The following PINLYP variants were observed in gnomAD, a reference collection of about 807,000 sequenced individuals.
PINLYP encodes the protein phospholipase A2 inhibitor and LY6/PLAUR domain containing, also known as phospholipase A2 inhibitor and Ly6/PLAUR domain-containing protein.
PINLYP carries 12 observed loss-of-function variants against 15.8 expected under a neutral mutation model. The observed-to-expected ratio is 0.76, with a 90% CI of 0.49 to 1.23. The LOEUF (loss-of-function observed/expected upper bound fraction) is 1.23, where lower values mean the gene tolerates loss of function less well. Among genes scored for constraint, PINLYP ranks in the 50% most tolerant of loss-of-function variants. The probability of loss-of-function intolerance (pLI) is 0.00; values close to 1 mark genes in which losing one functional copy is unlikely to be tolerated. For synonymous variants in PINLYP, 93 were observed against 97.7 expected (o/e 0.95, Z 0.28); for missense variants, 278 against 264.2 (o/e 1.05, Z -0.36).
chr19:43,578,762 AAG>A, intron 3 of PINLYP, 56 bp downstream of exon 3: 1 of 1,314,974 alleles, frequency 7.6e-7, no homozygotes, highest in Non-Finnish European at 1.1e-6. Context: ...TTCAGGGTGG[AAG>A]AGACTACCAT....
rs1236227976 is a variant in PINLYP at position 43,576,913 on chromosome 19, T to TG, written c.-81dup. The TG allele has an allele frequency of 2.8e-6, 1 of 358,810 alleles. No individual in the cohort carries two copies. The highest frequency in any genetic ancestry group is 2.6e-5 in the African/African-American group (1 of 38,206). 22.2% of individuals were successfully genotyped at this position (358,810 alleles called of 1,614,324 possible). A position where few individuals can be genotyped will look rare whatever the true frequency, so the allele number is the denominator to read the frequency against. On this transcript the variant is annotated 5_prime_UTR_variant, in exon 1 of 6. The change abolishes the stop of an existing upstream ORF in the 5' untranslated region. Coordinates refer to ENST00000599207, the Ensembl canonical transcript of PINLYP. Reference sequence around the variant, plus strand: ...CAAACAAACAAACAACAATGGGCCGTGGGAAGGTGAGAAAACAGGGTGGTG... The same window carrying TG: ...CAAACAAACAAACAACAATGGGCCGTGGGGAAGGTGAGAAAACAGGGTGGTG...
At position 43,578,652 on chromosome 19, in the gene PINLYP, AC is replaced by A. The variant is rs1352183538; in HGVS notation, c.135del (p.Cys46AlafsTer51). On this transcript the variant is annotated frameshift_variant, in exon 3 of 6. Transcript: ENST00000599207. LOFTEE classifies it high-confidence loss of function. ...GAGCAGGTGCCATGGCCAAATGAAG[AC>A]CTGCAGCAGTGACAAGGACACATGT... is the stretch of plus-strand genomic sequence containing the variant. 6.5e-7 allele frequency: 1 copy of A among 1,535,964 alleles called. No homozygotes were observed. The highest frequency in any genetic ancestry group is 8.7e-7 in the Non-Finnish European group (1 of 1,146,828).
chr19:43,581,074 A>G lies in PINLYP; in HGVS notation c.188-138A>G. ...CAACTCCGTCTAAAAAAAATAAGAAAAGAAAGAAAAAAAAGAAAGAGACCA... is the reference window on the plus strand; with the variant it reads ...CAACTCCGTCTAAAAAAAATAAGAAGAGAAAGAAAAAAAAGAAAGAGACCA... On this transcript the variant is annotated intron_variant, in intron 3 of 5. Coordinates refer to ENST00000599207, the Ensembl canonical transcript of PINLYP. 31 of 1,061,832 alleles carry G rather than the reference A, an allele frequency of 2.9e-5. No individual in the cohort carries two copies. In the South Asian group the frequency reaches 5.6e-4, roughly 19 times the overall value. The allele number at this position is 1,061,832 out of a possible 1,614,324, so 65.8% of individuals were successfully genotyped here. A position where few individuals can be genotyped will look rare whatever the true frequency, so the allele number is the denominator to read the frequency against.
At chr19:43,580,850 C>T (rs944410256) in intron 3 of PINLYP, among the ~76,000 whole-genome samples, 45 of 152,146 alleles carry the variant, frequency 3.0e-4, no homozygotes, top group African/African-American at 1.1e-3. Context: ...GCCTGTAATC[C>T]CAGCACTTTG....
chr19:43,575,560 A>C, upstream of PINLYP: 1 of 1,313,222 alleles, frequency 7.6e-7, no homozygotes, highest in Non-Finnish European at 1.0e-6. Context: ...GCGCTGGCTA[A>C]AGTGCGCAAG....
At chr19:43,577,230 C>A in exon 2 of PINLYP, 1 of 1,536,074 alleles carries the variant, frequency 6.5e-7, no homozygotes, top group Non-Finnish European at 8.7e-7. Flanking sequence ...TTCTGCTGGC[C>A]TTTGTGTTGC....
chr19:43,576,980 C>G, intron 1 of PINLYP, 61 bp downstream of exon 1: 1 of 814,296 alleles, frequency 1.2e-6, no homozygotes, highest in South Asian at 1.9e-5. Context: ...GAAGCCCAGA[C>G]TCCTGGGGTC....
upstream of PINLYP, chr19:43,575,717 A>G (rs1972853833): frequency 2.6e-6 from 1 of 385,628 alleles, no homozygotes; most frequent in Non-Finnish European, 4.7e-6. Flanking sequence ...TCCGCCACAC[A>G]CAACCCCGCT....
exon 1 of PINLYP, chr19:43,576,701 G>C (rs1272273790): frequency 6.1e-6 from 1 of 163,904 alleles, no homozygotes; most frequent in Non-Finnish European, 1.3e-5. Context: ...CACATGAAGA[G>C]AGGGGAAGGG....
exon 6 of PINLYP, chr19:43,581,945 C>G (rs1461937351): frequency 6.5e-7 from 1 of 1,536,384 alleles, no homozygotes; most frequent in Non-Finnish European, 8.7e-7. Context: ...TGCTGAAGTA[C>G]CCACAGGCAC....
rs1158509467 is a variant in PINLYP, at chr19:43,578,799, TCAAGA to T, written c.187+95_187+99del. 4.6e-5 allele frequency: 42 copies of T among 921,950 alleles called. No individual in the cohort carries two copies. In the Middle Eastern group the frequency reaches 1.3e-3, roughly 28 times the overall value. The allele number at this position is 921,950 out of a possible 1,614,324, so 57.1% of individuals were successfully genotyped here. A position where few individuals can be genotyped will look rare whatever the true frequency, so the allele number is the denominator to read the frequency against. On this transcript the variant is annotated intron_variant, in intron 3 of 5. Coordinates refer to ENST00000599207, the Ensembl canonical transcript of PINLYP. The stretch of plus-strand genomic sequence containing the variant: ...TGCTGAGGGGGGATCATCATGGTTC[TCAAGA>T]CGGGAGCGTGGGAAGAAATCAGTGG...
chr19:43,577,018 G>A, intron 1 of PINLYP, 97 bp from the exon 2 acceptor site: 2 of 1,237,202 alleles, frequency 1.6e-6, no homozygotes, highest in Non-Finnish European at 1.1e-6. Flanking sequence ...CTGGGCACAA[G>A]ATGCCCAGGT....
exon 3 of PINLYP, chr19:43,578,672 C>T: frequency 6.5e-7 from 1 of 1,535,972 alleles, no homozygotes; most frequent in Non-Finnish European, 8.7e-7. Flanking sequence ...GTGACAAGGA[C>T]ACATGTGTGC....
rs998828598 is a variant in PINLYP at position 43,577,334 on chromosome 19, A to T, written c.70+73A>T. 4.9e-6 allele frequency: 7 copies of T among 1,429,862 alleles called. No homozygotes were observed. In the African/African-American group the frequency reaches 7.2e-5, roughly 15 times the overall value. The allele number at this position is 1,429,862 out of a possible 1,614,324, so 88.6% of individuals were successfully genotyped here. Reference sequence around the variant, plus strand: ...AGGTCCCAGATTGAGAGAGAGAGAGATATAGAGAGAGAAAGAGCCTTCAGC... The same window carrying T: ...AGGTCCCAGATTGAGAGAGAGAGAGTTATAGAGAGAGAAAGAGCCTTCAGC... On this transcript the variant is annotated intron_variant, in intron 2 of 5. Transcript: ENST00000599207.
exon 1 of PINLYP, among the ~76,000 whole-genome samples, chr19:43,576,237 G>T (rs1278330251): frequency 6.6e-6 from 1 of 152,136 alleles, no homozygotes; most frequent in Non-Finnish European, 1.5e-5. Context: ...AAATCTGAGT[G>T]AATTTTCGTA....
intron 3 of PINLYP, among the ~76,000 whole-genome samples, chr19:43,579,407 G>A (rs1032032991): frequency 4.6e-5 from 7 of 151,646 alleles, no homozygotes; most frequent in Non-Finnish European, 8.8e-5. Flanking sequence ...CACCACACCT[G>A]GCTAATTTTT....
intron 1 of PINLYP, 36 bp from the exon 2 acceptor site, chr19:43,577,079 G>T: frequency 6.5e-7 from 1 of 1,529,756 alleles, no homozygotes; most frequent in East Asian, 2.4e-5. Context: ...ACAGAGGACT[G>T]CCCTGGGTTC....
rs1281067166 is a variant in PINLYP, at chr19:43,578,858, G to A, written c.187+152G>A. ...GCAGGAAAGAGGGAAAGACCATCAT[G>A]AGATGGAGGGAACAGAAATAAGTGG... On this transcript the variant is annotated intron_variant, in intron 3 of 5. Transcript: ENST00000599207. 5 of 616,250 alleles carry A rather than the reference G, an allele frequency of 8.1e-6. No homozygotes were observed. In the Admixed American group the frequency reaches 1.0e-4, roughly 12 times the overall value. The allele number at this position is 616,250 out of a possible 1,614,324, so 38.2% of individuals were successfully genotyped here.
exon 6 of PINLYP, chr19:43,581,897 G>A: frequency 6.5e-7 from 1 of 1,536,704 alleles, no homozygotes; most frequent in Non-Finnish European, 8.7e-7. Context: ...TGCTATGCGG[G>A]GCTGTGCTAC....
Sources: gnomAD v4.1 joint callset for allele counts (sites outside exome capture counted in the v4.1 genomes callset) on GRCh38, gnomAD v4.1.1 for gene constraint, MANE v1.5 for transcripts, NCBI Gene and HGNC (gene_info 2026-07-23, HGNC 2026-07-21) for gene names.